AGTPBP1: variants seen among roughly 807,000 people sequenced by gnomAD.
AGTPBP1 encodes cytosolic carboxypeptidase 1.
AGTPBP1 carries 70 observed loss-of-function variants against 143.9 expected under a neutral mutation model. The observed-to-expected ratio is 0.49, with a 90% CI of 0.40 to 0.59. The LOEUF is 0.59. Among genes scored for constraint, AGTPBP1 ranks in the 20% least tolerant of loss-of-function variants. The pLI is 0.00. For missense variants in AGTPBP1, 1,229 were observed against 1,464.5 expected (o/e 0.84, Z 2.62); for synonymous variants, 463 against 500.2 (o/e 0.93, Z 0.99).
intron 11 of AGTPBP1, among the ~76,000 whole-genome samples, chr9:85,649,081 A>G (rs149514500): frequency 0.017 from 2,547 of 151,850 alleles, 25 homozygotes; most frequent in Middle Eastern, 0.054. Flanking sequence ...AACAATATTA[A>G]TTATTATAGC....
the AGTPBP1 span, among the ~76,000 whole-genome samples, chr9:85,783,131 G>A: frequency 6.6e-6 from 1 of 152,052 alleles, no homozygotes; most frequent in Non-Finnish European, 1.5e-5. Context: ...TCTTCATCCT[G>A]GCTCTTTAAC....
At position 85,562,808 on chromosome 9, in the gene AGTPBP1, C is replaced by T. The variant is rs182709141; in HGVS notation, c.3503+12507G>A. ...TAATTATATAATATCTGAAATTGGG[C>T]GAATATTTACATCCCCCCTCCCATC... On this transcript the variant is annotated intron_variant, in intron 25 of 25. Coordinates refer to ENST00000357081, the MANE Select transcript of AGTPBP1 (RefSeq NM_001330701.2). Among the ~76,000 whole-genome samples the T allele has an allele frequency of 4.6e-5, 7 of 152,136 alleles. No individual in the cohort carries two copies. In the South Asian group the frequency reaches 6.2e-4, roughly 14 times the overall value.
chr9:85,726,747 G>A (rs1156380232), intron 1 of AGTPBP1, among the ~76,000 whole-genome samples: 2 of 152,092 alleles, frequency 1.3e-5, no homozygotes, highest in Non-Finnish European at 2.9e-5. Flanking sequence ...GACAAGTTAA[G>A]TGTCAAATAT....
chr9:85,715,274 CA>C (rs202225798), intron 1 of AGTPBP1, among the ~76,000 whole-genome samples: 2,241 of 150,998 alleles, frequency 0.015, 25 homozygotes, highest in Middle Eastern at 0.037. Context: ...AGAAATAAAG[CA>C]AACAAGAATT....
At chr9:85,676,248 C>A (rs1834823110) in intron 6 of AGTPBP1, among the ~76,000 whole-genome samples, 1 of 151,682 alleles carries the variant, frequency 6.6e-6, no homozygotes, top group South Asian at 2.1e-4. Flanking sequence ...AAACAATCAA[C>A]AAAGTGAAGA....
chr9:85,583,482 G>A (rs1384503870), intron 23 of AGTPBP1, among the ~76,000 whole-genome samples: 1 of 152,084 alleles, frequency 6.6e-6, no homozygotes, highest in Admixed American at 6.6e-5. Flanking sequence ...GTGAGGGGAG[G>A]TGTGTGTGTA....
At chr9:85,580,981 A>C (rs1828222606) in intron 23 of AGTPBP1, among the ~76,000 whole-genome samples, 1 of 152,236 alleles carries the variant, frequency 6.6e-6, no homozygotes, top group African/African-American at 2.4e-5. Flanking sequence ...GGCAAGTCTC[A>C]CAATACACAT....
At chr9:85,715,245 C>CAAA (rs1276506563) in intron 1 of AGTPBP1, among the ~76,000 whole-genome samples, 2 of 106,742 alleles carry the variant, frequency 1.9e-5, no homozygotes, top group Non-Finnish European at 3.9e-5. Context: ...GACTCTGTCT[C>CAAA]AAAAAAAAAA....
At position 85,586,961 on chromosome 9, in the gene AGTPBP1, C is replaced by CTACATG. The variant is rs1554696160; in HGVS notation, c.2904-7_2904-2dup. 5 of 1,613,588 alleles carry CTACATG rather than the reference C, an allele frequency of 3.1e-6. No individual in the cohort carries two copies. The highest frequency in any genetic ancestry group is 4.2e-6 in the Non-Finnish European group (5 of 1,179,748). On this transcript the variant is annotated splice_acceptor_variant, in intron 21 of 25. Coordinates refer to ENST00000357081, the MANE Select transcript of AGTPBP1 (RefSeq NM_001330701.2). LOFTEE classifies it high-confidence loss of function. ...CTCTCCACTTAAAGAACAGCGATGA[C>CTACATG]TACATGTACATAAACACAAAGACAG...
At chr9:85,645,168 G>A (rs1832737582) in intron 12 of AGTPBP1, among the ~76,000 whole-genome samples, 1 of 152,078 alleles carries the variant, frequency 6.6e-6, no homozygotes, top group Non-Finnish European at 1.5e-5. Flanking sequence ...TGGTTACTAT[G>A]TATATGTAAA....
intron 13 of AGTPBP1, among the ~76,000 whole-genome samples, chr9:85,637,242 C>T: frequency 6.6e-6 from 1 of 151,844 alleles, no homozygotes; most frequent in Non-Finnish European, 1.5e-5. Context: ...GGGGTTTCAC[C>T]ATGTTGGCCT....
the AGTPBP1 span, among the ~76,000 whole-genome samples, chr9:85,757,965 T>C: frequency 6.6e-6 from 1 of 152,204 alleles, no homozygotes; most frequent in Admixed American, 6.5e-5. Context: ...TATTTCCTAA[T>C]CTCTACTTGG....
At chr9:85,560,069 C>G (rs1481494074) in intron 25 of AGTPBP1, among the ~76,000 whole-genome samples, 4 of 152,120 alleles carry the variant, frequency 2.6e-5, no homozygotes, top group Non-Finnish European at 5.9e-5. Flanking sequence ...TTTGGAGACC[C>G]CCTCCAGCCC....
the AGTPBP1 span, among the ~76,000 whole-genome samples, chr9:85,779,518 C>A: frequency 2.0e-5 from 3 of 152,090 alleles, no homozygotes; most frequent in Non-Finnish European, 4.4e-5. Context: ...TCACTGGCAG[C>A]TGATGAGATG....
At chr9:85,793,957 C>T in the AGTPBP1 span, among the ~76,000 whole-genome samples, 4 of 152,004 alleles carry the variant, frequency 2.6e-5, no homozygotes, top group African/African-American at 9.7e-5. Flanking sequence ...AGGCATTTTC[C>T]TGCTTTATAT....
chr9:85,748,537 A>C, the AGTPBP1 span, among the ~76,000 whole-genome samples: 2 of 152,132 alleles, frequency 1.3e-5, no homozygotes, highest in African/African-American at 4.8e-5. Flanking sequence ...GATCTTCCTT[A>C]CTTACCTTTC....
chr9:85,791,782 G>C, the AGTPBP1 span, among the ~76,000 whole-genome samples: 4 of 151,146 alleles, frequency 2.6e-5, no homozygotes, highest in African/African-American at 7.3e-5. Flanking sequence ...TTTCATACTG[G>C]TATATTTTTA....
the AGTPBP1 span, among the ~76,000 whole-genome samples, chr9:85,801,379 T>C: frequency 6.6e-6 from 1 of 152,212 alleles, no homozygotes; most frequent in Non-Finnish European, 1.5e-5. Context: ...GTATATGAGA[T>C]GTTCTGATAC....
intron 17 of AGTPBP1, among the ~76,000 whole-genome samples, chr9:85,598,127 C>T (rs2133291382): frequency 6.6e-6 from 1 of 152,226 alleles, no homozygotes; most frequent in Middle Eastern, 3.4e-3. Context: ...GCTATAGCTT[C>T]TTCAGAATCT....
Sources: allele counts gnomAD v4.1 joint callset (sites outside exome capture counted in the v4.1 genomes callset), GRCh38; gene constraint gnomAD v4.1.1; transcripts MANE v1.5; gene names NCBI Gene and HGNC (gene_info 2026-07-23, HGNC 2026-07-21).